The following SYNE1 variants were observed in gnomAD, a reference collection of about 807,000 sequenced individuals.
The protein encoded by SYNE1 is spectrin repeat containing nuclear envelope protein 1.
SYNE1 carries 616 observed loss-of-function variants against 1,111.0 expected under a neutral mutation model. The observed-to-expected ratio is 0.55, with a 90% CI of 0.52 to 0.59. The LOEUF (loss-of-function observed/expected upper bound fraction) is 0.59, where lower values mean the gene tolerates loss of function less well. Among genes scored for constraint, SYNE1 ranks in the 20% least tolerant of loss-of-function variants. SYNE1 has a pLI of 0.00. For synonymous variants in SYNE1, 3,855 were observed against 3,825.8 expected (o/e 1.01, Z -0.28); for missense variants, 10,006 against 10,417.0 (o/e 0.96, Z 1.72).
chr6:152,373,831 G>A (rs80244493), intron 58 of SYNE1, among the ~76,000 whole-genome samples: 1,859 of 152,238 alleles, frequency 0.012, 40 homozygotes, highest in African/African-American at 0.043. Flanking sequence ...GCTAAGACTC[G>A]TTTACAAAAC....
rs1564002853 is a variant in SYNE1 at position 152,435,934 on chromosome 6, C to G, written c.4310+7G>C. On this transcript the variant is annotated splice_region_variant and intron_variant, in intron 33 of 145. Coordinates refer to ENST00000367255, the MANE Select transcript of SYNE1 (RefSeq NM_182961.4). ...AGAAGAAAGTTTAGGACTTGTCAAT[C>G]ACATACTCTTCTTCAAGCGTGTCTT... 1 of 1,614,048 alleles carries G rather than the reference C, an allele frequency of 6.2e-7. No individual in the cohort carries two copies. The highest frequency in any genetic ancestry group is 1.7e-5 in the Admixed American group (1 of 59,990).
rs2090939160 is a variant in SYNE1, at chr6:152,256,667, T to G, written c.19071A>C (p.Gly6357=). 6.2e-7 allele frequency: 1 copy of G among 1,613,874 alleles called. No individual in the cohort carries two copies. The highest frequency in any genetic ancestry group is 8.5e-7 in the Non-Finnish European group (1 of 1,179,884). The change falls in exon 102 of 146, where the codon GGA becomes GGC. Residue 6357 remains glycine (G), a synonymous_variant. Coordinates refer to ENST00000367255, the MANE Select transcript of SYNE1 (RefSeq NM_182961.4). ...AAACCTCCTCGAAGGCTTGGTTCAG[T>G]CCATCCAGCAAAGATGTAACTGCAG... ...DKSAVTSLLD[G]LNQAFEEVSS... is the part of the protein sequence containing the mutation.
At position 152,321,864 on chromosome 6, in the gene SYNE1, T is replaced by C; in HGVS notation, c.15940A>G (p.Asn5314Asp). Residue 5314 changes from asparagine to aspartate, a missense_variant, in exon 83 of 146, where the codon AAT (asparagine) becomes GAT (aspartate). Transcript: ENST00000367255. ...AGCTCTTGCTTCACCAACTTTCCAT[T>C]AGTCTTCACTTTCTCCTGCATGCTT... ...CLNMQEKVKT[N>D]GKLVKQELKD... 1.2e-6 allele frequency: 2 copies of C among 1,614,084 alleles called. No individual in the cohort carries two copies. Among genetic ancestry groups the C allele is most frequent in the Non-Finnish European group, 1.7e-6 (2 of 1,179,972 alleles).
chr6:152,529,522 C>T (rs1220439960), intron 4 of SYNE1, among the ~76,000 whole-genome samples: 1 of 152,178 alleles, frequency 6.6e-6, no homozygotes, highest in African/African-American at 2.4e-5. Context: ...CTGGGTTAGT[C>T]AGTGTGTTGG....
At position 152,218,375 on chromosome 6, in the gene SYNE1, G is replaced by A. The variant is rs759308583; in HGVS notation, c.22073C>T (p.Ala7358Val). The A allele has an allele frequency of 5.6e-6, 9 of 1,613,620 alleles. No individual in the cohort carries two copies. In the South Asian group the frequency reaches 7.7e-5, roughly 14 times the overall value. Reference protein sequence around the residue: ...QAGVLDYETFAKSLEALEAWI... With the variant: ...QAGVLDYETFVKSLEALEAWI... Reference sequence around the variant, plus strand: ...GGCCTCCAAAGCTTCTAAACTCTTGGCAAAGGTTTCATAATCAAGAACTCC... The same window carrying A: ...GGCCTCCAAAGCTTCTAAACTCTTGACAAAGGTTTCATAATCAAGAACTCC... Residue 7358 changes from alanine to valine, a missense_variant, in exon 121 of 146, where the codon GCC becomes GTC. By Grantham distance (64) the Ala-to-Val change is moderately conservative. Transcript: ENST00000367255.
intron 51 of SYNE1, among the ~76,000 whole-genome samples, chr6:152,393,711 C>A (rs1456890524): frequency 6.6e-6 from 1 of 151,994 alleles, no homozygotes; most frequent in Admixed American, 6.6e-5. Flanking sequence ...AGCATGGGTT[C>A]TTTTGTGCAT....
rs998453025 is a variant in SYNE1 at position 152,164,250 on chromosome 6, G to A, written c.23703C>T (p.Leu7901=). 3.3e-5 allele frequency: 53 copies of A among 1,614,020 alleles called. No individual in the cohort carries two copies. Among genetic ancestry groups the A allele is most frequent in the Non-Finnish European group, 4.2e-5 (49 of 1,180,040 alleles). Residue 7901 remains leucine (L), a synonymous_variant, in exon 131 of 146, where the codon CTC becomes CTT. Coordinates refer to ENST00000367255, the MANE Select transcript of SYNE1 (RefSeq NM_182961.4). ...DKNMSSLRTW[L]AHIESELAKP... ...TGGCCAGCTCTGACTCGATGTGAGC[G>A]AGCCAGGTCCTCAGGCTGCTCATGT...
chr6:152,302,181 A>G, intron 91 of SYNE1, 118 bp from the exon 92 acceptor site: 1 of 1,380,406 alleles, frequency 7.2e-7, no homozygotes, highest in East Asian at 2.3e-5. Context: ...CGGGCCCGGG[A>G]GGCAGGATGT....
At chr6:152,420,987 GAC>G (rs1392996249) in intron 39 of SYNE1, among the ~76,000 whole-genome samples, 1 of 152,198 alleles carries the variant, frequency 6.6e-6, no homozygotes, top group Non-Finnish European at 1.5e-5. Context: ...TTTGTCACAG[GAC>G]ACAATTGGAA....
chr6:152,427,755 A>G lies in SYNE1; in HGVS notation c.5038T>C (p.Ser1680Pro). The G allele has an allele frequency of 1.9e-6, 3 of 1,614,112 alleles. No individual in the cohort carries two copies. Among genetic ancestry groups the G allele is most frequent in the Non-Finnish European group, 2.5e-6 (3 of 1,180,014 alleles). ...WLERGEAKAS[S>P]PEMDISADRV... ...TCTGCAGAAATGTCCATTTCTGGGG[A>G]ACTGGCTTTAGCTTCACCCCGCTCT... The change falls in exon 38 of 146, where the codon TCC becomes CCC. Residue 1680 changes from serine to proline, a missense_variant. Ser to Pro is a moderately conservative substitution (Grantham distance 74, BLOSUM62 -1). This residue lies in a region of SYNE1 where 1,971 missense variants were observed against 2,084.1 expected (regional missense o/e 0.95). Coordinates refer to ENST00000367255, the MANE Select transcript of SYNE1 (RefSeq NM_182961.4).
At chr6:152,524,820 A>G (rs1385409326) in intron 5 of SYNE1, among the ~76,000 whole-genome samples, 1 of 152,194 alleles carries the variant, frequency 6.6e-6, no homozygotes, top group African/African-American at 2.4e-5. Flanking sequence ...TCTATAAGAC[A>G]TGTGTAAAAT....
intron 40 of SYNE1, 62 bp from the exon 41 acceptor site, chr6:152,417,077 T>C (rs1007307083): frequency 6.2e-7 from 1 of 1,605,028 alleles, no homozygotes; most frequent in East Asian, 2.2e-5. Context: ...CAGAGGTATT[T>C]TACAGGATTT....
In SYNE1 at chr6:152,506,704, G is replaced by A. The variant is rs557157580; in HGVS notation, c.582-1307C>T. On this transcript the variant is annotated intron_variant, in intron 8 of 145. Coordinates refer to ENST00000367255, the MANE Select transcript of SYNE1 (RefSeq NM_182961.4). ...TTTCAGGCATGTGCCACAATACCTG[G>A]CTAATTTTTGTATTATTGAATACAA... Among the ~76,000 whole-genome samples, 6 of 151,934 alleles carry A rather than the reference G, an allele frequency of 3.9e-5. No individual in the cohort carries two copies. In the East Asian group the frequency reaches 1.2e-3, roughly 29 times the overall value.
At chr6:152,193,595 G>C (rs760893134) in intron 127 of SYNE1, among the ~76,000 whole-genome samples, 1 of 152,078 alleles carries the variant, frequency 6.6e-6, no homozygotes, top group Non-Finnish European at 1.5e-5. Flanking sequence ...TGGGAATACA[G>C]GTGTGAGCCA....
At chr6:152,292,123 G>A (rs9479286) in intron 95 of SYNE1, among the ~76,000 whole-genome samples, 6,154 of 152,240 alleles carry the variant, frequency 0.04, 147 homozygotes, top group East Asian at 0.058. Context: ...GTGGCCGCTG[G>A]CAACAGAAAA....
At chr6:152,621,958 A>G (rs1187776717) in intron 3 of SYNE1, among the ~76,000 whole-genome samples, 2 of 152,220 alleles carry the variant, frequency 1.3e-5, no homozygotes, top group African/African-American at 4.8e-5. Flanking sequence ...CAGGTAAAGT[A>G]GGACCCAATG....
chr6:152,287,235 A>C (rs991074952), intron 95 of SYNE1, among the ~76,000 whole-genome samples: 3 of 152,128 alleles, frequency 2.0e-5, no homozygotes, highest in Admixed American at 2.0e-4. Flanking sequence ...ACATAAACTT[A>C]ATTTTCATGT....
intron 128 of SYNE1, among the ~76,000 whole-genome samples, chr6:152,182,555 C>T (rs901133479): frequency 6.6e-6 from 1 of 152,172 alleles, no homozygotes; most frequent in Non-Finnish European, 1.5e-5. Flanking sequence ...TTCCTTAATA[C>T]ATTTACTTTT....
At chr6:152,567,976 T>C (rs890994645) in intron 3 of SYNE1, among the ~76,000 whole-genome samples, 5 of 152,154 alleles carry the variant, frequency 3.3e-5, no homozygotes, top group Non-Finnish European at 5.9e-5. Context: ...AAAGATCATT[T>C]GATGAATAGT....
Sources: allele counts gnomAD v4.1 joint callset (sites outside exome capture counted in the v4.1 genomes callset), GRCh38; gene constraint gnomAD v4.1.1; regional missense constraint gnomAD v4.1.1; transcripts MANE v1.5; gene names NCBI Gene and HGNC (gene_info 2026-07-23, HGNC 2026-07-21).